Variants in CCNH observed in about 807,000 individuals in gnomAD.
The protein encoded by CCNH is cyclin-H.
CCNH carries 31 observed loss-of-function variants against 41.9 expected under a neutral mutation model. The observed-to-expected ratio is 0.74, with a 90% confidence interval of 0.56 to 1.00. CCNH has a LOEUF of 1.00. Among genes scored for constraint, CCNH ranks in the 50% least tolerant of loss-of-function variants. The probability of loss-of-function intolerance (pLI) is 0.00; values close to 1 mark genes in which losing one functional copy is unlikely to be tolerated. For synonymous variants in CCNH, 138 were observed against 136.1 expected, an observed-to-expected ratio of 1.01 and a Z score of -0.10; for missense variants, 362 against 388.4, an observed-to-expected ratio of 0.93 and a Z score of 0.57.
intron 1 of CCNH, among the ~76,000 whole-genome samples, chr5:87,411,874 A>G (rs1199950876): frequency 6.6e-6 from 1 of 152,208 alleles, no homozygotes; most frequent in Non-Finnish European, 1.5e-5. Context: ...TTAAAGGTAG[A>G]AAGTAAAGTA....
chr5:87,311,652 G>A, the CCNH span, among the ~76,000 whole-genome samples: 2 of 152,166 alleles, frequency 1.3e-5, no homozygotes, highest in African/African-American at 2.4e-5. Flanking sequence ...GTGACAACAC[G>A]TGTCAAGTAT....
At chr5:87,313,771 C>T (rs539489157), downstream of CCNH, among the ~76,000 whole-genome samples, 1 of 152,292 alleles carries the variant, frequency 6.6e-6, no homozygotes, top group East Asian at 1.9e-4. Context: ...AACGAGATGA[C>T]ATTTAAGGTA....
intron 9 of CCNH, among the ~76,000 whole-genome samples, chr5:87,365,627 A>G (rs917237733): frequency 6.6e-6 from 1 of 152,102 alleles, no homozygotes; most frequent in African/African-American, 2.4e-5. Context: ...GCCTTAATGT[A>G]CAGATGTTAA....
chr5:87,371,978 AAGTAC>A (rs1468263103), downstream of CCNH: 23 of 584,058 alleles, frequency 3.9e-5, no homozygotes, highest in Non-Finnish European at 5.5e-5. Flanking sequence ...TATTGTTATG[AAGTAC>A]AGTATAGTCT....
Position 87,326,757 on chromosome 5 carries a change from G to C in CCNH, c.*91-7860C>G, listed in dbSNP as rs150870152. Reference sequence around the variant, plus strand: ...CCTTCTAGAGTTGCCAGGTGAAATAGAATTTCTAGTTTATTAATAGTATGG... The same window carrying C: ...CCTTCTAGAGTTGCCAGGTGAAATACAATTTCTAGTTTATTAATAGTATGG... On this transcript the variant is annotated intron_variant and NMD_transcript_variant, in intron 9 of 9. Transcript: ENST00000645953. Among the ~76,000 whole-genome samples, 22 of 152,236 alleles carry C rather than the reference G, an allele frequency of 1.4e-4. No homozygotes were observed. The East Asian group carries it at 4.1e-3, about 28-fold the overall frequency.
At chr5:87,391,752 G>A (rs1182367007), downstream of CCNH, 1 of 232,534 alleles carries the variant, frequency 4.3e-6, no homozygotes, top group Non-Finnish European at 8.5e-6. Flanking sequence ...TGATTATGCA[G>A]ACAACCTCAT....
intron 4 of CCNH, 64 bp downstream of exon 4, chr5:87,407,912 G>A (rs1763916328): frequency 4.1e-6 from 5 of 1,228,114 alleles, no homozygotes; most frequent in Non-Finnish European, 6.0e-6. Flanking sequence ...TTAAAATTTT[G>A]GATTCTTTTG....
chr5:87,356,124 C>CA (rs1759631323), intron 9 of CCNH, among the ~76,000 whole-genome samples: 1 of 152,140 alleles, frequency 6.6e-6, no homozygotes, highest in African/African-American at 2.4e-5. Flanking sequence ...CTTGATAAAG[C>CA]AGCAAGAGGG....
intron 9 of CCNH, among the ~76,000 whole-genome samples, chr5:87,337,481 A>G (rs533277018): frequency 2.8e-4 from 43 of 152,082 alleles, no homozygotes; most frequent in Non-Finnish European, 5.2e-4. Flanking sequence ...AAGCATCTAC[A>G]TCATGCTTAT....
intron 7 of CCNH, among the ~76,000 whole-genome samples, 190 bp from the exon 8 acceptor site, chr5:87,395,294 C>T (rs544560149): frequency 7.2e-5 from 11 of 152,190 alleles, no homozygotes; most frequent in Middle Eastern, 6.8e-3. Flanking sequence ...AAATTAAATG[C>T]AATTCTAATT....
At chr5:87,382,404 A>G (rs1442978193) in intron 9 of CCNH, among the ~76,000 whole-genome samples, 2 of 152,240 alleles carry the variant, frequency 1.3e-5, no homozygotes, top group Non-Finnish European at 2.9e-5. Context: ...CTATTAATCT[A>G]TAGAAGGAAT....
At chr5:87,340,423 T>G (rs1022704430) in intron 9 of CCNH, among the ~76,000 whole-genome samples, 3 of 152,100 alleles carry the variant, frequency 2.0e-5, no homozygotes, top group Non-Finnish European at 4.4e-5. Context: ...TTTATAGTTT[T>G]TTTTTTTAAG....
At chr5:87,379,724 C>A (rs1433492478), upstream of CCNH, 1 of 1,610,834 alleles carries the variant, frequency 6.2e-7, no homozygotes, top group East Asian at 2.2e-5. Context: ...TTGATTTATT[C>A]CTTCTTTTAG....
At chr5:87,346,862 G>A in intron 9 of CCNH, 1 of 565,282 alleles carries the variant, frequency 1.8e-6, no homozygotes, top group Non-Finnish European at 3.1e-6. Context: ...GTACTAAGAA[G>A]CTGGTGTTTT....
chr5:87,312,392 C>T, the CCNH span, among the ~76,000 whole-genome samples: 10 of 152,174 alleles, frequency 6.6e-5, no homozygotes, highest in South Asian at 1.9e-3. Context: ...ATATATTTTA[C>T]GTGAAGAATA....
chr5:87,408,095 G>T lies in CCNH; in HGVS notation c.406C>A (p.Gln136Lys). 2.5e-6 allele frequency: 4 copies of T among 1,613,014 alleles called. No homozygotes were observed. The highest frequency in any genetic ancestry group is 3.4e-6 in the Non-Finnish European group (4 of 1,179,094). The change falls in exon 4 of 9, where the codon CAG (glutamine) becomes AAG (lysine). Residue 136 changes from glutamine to lysine, a missense_variant. Coordinates refer to ENST00000256897, the MANE Select transcript of CCNH (RefSeq NM_001239.4). The part of the protein sequence containing the change: ...VGNLRESPLG[Q>K]EKALEQILEY... ...AGTATCTGTTCAAGTGCCTTCTCCT[G>T]TCCAAGAGGACTCTCCCGGAGGTTT...
chr5:87,400,094 T>C (rs1164830281), intron 6 of CCNH, among the ~76,000 whole-genome samples: 1 of 152,216 alleles, frequency 6.6e-6, no homozygotes, highest in Admixed American at 6.5e-5. Flanking sequence ...CTCTAGCTGA[T>C]CTTGTTATTC....
intron 9 of CCNH, among the ~76,000 whole-genome samples, chr5:87,354,444 T>C (rs1759503832): frequency 6.6e-6 from 1 of 152,150 alleles, no homozygotes; most frequent in Non-Finnish European, 1.5e-5. Flanking sequence ...AATGTTACTA[T>C]TGCAATTGTT....
intron 6 of CCNH, 59 bp downstream of exon 6, chr5:87,401,643 A>G (rs1432946608): frequency 9.6e-7 from 1 of 1,036,628 alleles, no homozygotes; most frequent in Admixed American, 2.6e-5. Context: ...CAAGAGATTT[A>G]TTTAGAAAGG....
Sources: gnomAD v4.1 joint callset for allele counts (sites outside exome capture counted in the v4.1 genomes callset) on GRCh38, gnomAD v4.1.1 for gene constraint, MANE v1.5 for transcripts, NCBI Gene and HGNC (gene_info 2026-07-23, HGNC 2026-07-21) for gene names.